Variants in ARMCX4 observed in about 807,000 individuals in gnomAD.
ARMCX4 encodes armadillo repeat-containing X-linked protein 4.
ARMCX4 carries 3 observed loss-of-function variants against 34.7 expected under a neutral mutation model. That is an observed-to-expected ratio of 0.09 (90% CI 0.04 to 0.22). The LOEUF is 0.22. ARMCX4 is among the 10% of genes least tolerant of loss of function. The pLI, the probability that ARMCX4 is intolerant of heterozygous loss-of-function variation, is 1.00. For synonymous variants in ARMCX4, 513 were observed against 632.8 expected (o/e 0.81, Z 2.84); for missense variants, 1,448 against 1,720.8 (o/e 0.84, Z 2.81).
At chrX:101,488,407 A>C in intron 5 of ARMCX4, 37 bp from the exon 6 acceptor site, 1 of 1,080,560 alleles carries the variant, frequency 9.3e-7, no homozygotes, top group African/African-American at 1.9e-5. Flanking sequence ...CAAAATCAGA[A>C]GAGAAATTTT....
chrX:101,476,317 A>G (rs782589946), intron 4 of ARMCX4, among the ~76,000 whole-genome samples: 1 of 109,829 alleles, frequency 9.1e-6, no homozygotes, highest in Non-Finnish European at 1.9e-5. Flanking sequence ...GTAAATGAAT[A>G]AGTGATAAGT....
At chrX:101,527,381 A>G (rs1299580060) in intron 11 of ARMCX4, among the ~76,000 whole-genome samples, 2 of 112,199 alleles carry the variant, frequency 1.8e-5, no homozygotes, top group African/African-American at 6.5e-5. Context: ...AGAAAGCAGG[A>G]AAGATCTAAA....
At chrX:101,437,778 A>C (rs1170561160) in intron 2 of ARMCX4, among the ~76,000 whole-genome samples, 2 of 111,454 alleles carry the variant, frequency 1.8e-5, no homozygotes, top group African/African-American at 3.3e-5. Context: ...CTCTTGTGGG[A>C]ATTTCGTGCT....
At chrX:101,422,226 A>G (rs782404159) in intron 2 of ARMCX4, among the ~76,000 whole-genome samples, 2 of 109,844 alleles carry the variant, frequency 1.8e-5, no homozygotes, top group Admixed American at 9.8e-5. Flanking sequence ...CATGTTGGCC[A>G]GGCTGGTCTC....
chrX:101,440,326 G>A (rs1448275333), intron 2 of ARMCX4, among the ~76,000 whole-genome samples: 2 of 111,652 alleles, frequency 1.8e-5, no homozygotes, highest in South Asian at 3.8e-4. Flanking sequence ...CTGCCTGATC[G>A]TTCCTCTGGA....
At chrX:101,457,824 C>A (rs1556000537) in intron 4 of ARMCX4, among the ~76,000 whole-genome samples, 1 of 110,283 alleles carries the variant, frequency 9.1e-6, no homozygotes. Context: ...CTCACTGAAA[C>A]CTCTGCCTTC....
At chrX:101,497,229 T>C (rs2147682288), downstream of ARMCX4, among the ~76,000 whole-genome samples, 1 of 111,466 alleles carries the variant, frequency 9.0e-6, no homozygotes, top group South Asian at 3.8e-4. Context: ...TTTGTTGTTT[T>C]TTCTCTTTCT....
At chrX:101,481,057 G>A (rs1321284572), upstream of ARMCX4, among the ~76,000 whole-genome samples, 2 of 111,295 alleles carry the variant, frequency 1.8e-5, no homozygotes, top group Non-Finnish European at 3.8e-5. Flanking sequence ...CAGGAAGGTC[G>A]AGGCTGCAGT....
chrX:101,499,984 A>G (rs1556013144), downstream of ARMCX4, among the ~76,000 whole-genome samples: 1 of 112,044 alleles, frequency 8.9e-6, no homozygotes, highest in East Asian at 2.8e-4. Context: ...AGTGCCCAGG[A>G]AGAAGGACCC....
At chrX:101,515,381 T>TTCTTTCTTTCTTTCCTTCTTTC in intron 11 of ARMCX4, among the ~76,000 whole-genome samples, 1 of 12,272 alleles carries the variant, frequency 8.1e-5, no homozygotes, top group East Asian at 3.0e-3. Context: ...CTTTCTTTCT[T>TTCTTTCTTTCTTTCCTTCTTTC]TTTCTTTCTT....
chrX:101,424,689 T>C (rs1929495171), intron 2 of ARMCX4, among the ~76,000 whole-genome samples: 1 of 111,878 alleles, frequency 8.9e-6, no homozygotes, highest in Non-Finnish European at 1.9e-5. Context: ...AAATCCACAT[T>C]TTGTTTACTC....
chrX:101,493,824 T>C lies in ARMCX4; in HGVS notation c.5235T>C (p.Ser1745=), dbSNP rs782048575. 33 of 1,149,794 alleles carry C rather than the reference T, an allele frequency of 2.9e-5. No homozygotes were observed. In the South Asian group the frequency reaches 6.3e-4, roughly 22 times the overall value. 94.8% of individuals were successfully genotyped at this position (1,149,794 alleles called of 1,213,427 possible). A position where few individuals can be genotyped will look rare whatever the true frequency, so the allele number is the denominator to read the frequency against. Residue 1745 remains serine, a synonymous_variant, in exon 6 of 6, where the codon TCT becomes TCC. Transcript: ENST00000423738. The part of the protein sequence containing the change: ...FGPGAEAVIG[S]WCWTEEKADI... ...CTGGAGCTGAGGCCGTTATAGGGTC[T>C]TGGTGCTGGACAGAGGAAAAAGCTG...
intron 4 of ARMCX4, among the ~76,000 whole-genome samples, chrX:101,479,171 AAT>A (rs1261416622): frequency 9.0e-6 from 1 of 110,562 alleles, no homozygotes; most frequent in African/African-American, 3.3e-5. Flanking sequence ...TTTTTATAAA[AAT>A]AGTGAAATCA....
chrX:101,497,820 G>A (rs1569339842), downstream of ARMCX4, among the ~76,000 whole-genome samples: 2 of 111,887 alleles, frequency 1.8e-5, no homozygotes, highest in Non-Finnish European at 3.8e-5. Context: ...CTCAATACTA[G>A]CATTCGATGG....
chrX:101,532,041 C>G (rs1329744827), intron 12 of ARMCX4: 1 of 111,984 alleles, frequency 8.9e-6, no homozygotes, highest in Non-Finnish European at 1.9e-5. Flanking sequence ...CAAAGATTCA[C>G]TAGTCTTTAC....
intron 8 of ARMCX4, among the ~76,000 whole-genome samples, chrX:101,506,016 T>C (rs1473171111): frequency 9.0e-6 from 1 of 111,605 alleles, no homozygotes; most frequent in Non-Finnish European, 1.9e-5. Context: ...TAATTTTTTG[T>C]ATTTTTCATA....
intron 11 of ARMCX4, among the ~76,000 whole-genome samples, chrX:101,514,837 A>T (rs1934671934): frequency 9.0e-6 from 1 of 111,716 alleles, no homozygotes; most frequent in South Asian, 3.8e-4. Context: ...TTAGACAGGG[A>T]TGGAAGGGCT....
Position 101,494,781 on chromosome X carries a change from T to A in ARMCX4, c.6192T>A (p.Asn2064Lys). The A allele has an allele frequency of 6.1e-6, 7 of 1,155,014 alleles. No individual in the cohort carries two copies. The highest frequency in any genetic ancestry group is 8.0e-6 in the Non-Finnish European group (7 of 871,851). Reference sequence around the variant, plus strand: ...CTTCTGTTCATGAAATAGCCAATAATGCTTTATATAACAGTGCTGATTATT... The same window carrying A: ...CTTCTGTTCATGAAATAGCCAATAAAGCTTTATATAACAGTGCTGATTATT... ...EDPSVHEIAN[N>K]ALYNSADYSY... Residue 2064 changes from asparagine (N) to lysine (K), a missense_variant, in exon 6 of 6, where the codon AAT (asparagine) becomes AAA (lysine). Transcript: ENST00000423738.
At chrX:101,445,376 A>G (rs782793134) in intron 3 of ARMCX4, among the ~76,000 whole-genome samples, 3 of 111,606 alleles carry the variant, frequency 2.7e-5, no homozygotes, top group African/African-American at 9.8e-5. Context: ...TGCTCCCTCA[A>G]AAGACTCCTT....
Sources: gnomAD v4.1 joint callset for allele counts (sites outside exome capture counted in the v4.1 genomes callset) on GRCh38, gnomAD v4.1.1 for gene constraint, MANE v1.5 for transcripts, NCBI Gene and HGNC (gene_info 2026-07-23, HGNC 2026-07-21) for gene names.